The following EXOC2 variants were observed in gnomAD, a reference collection of about 807,000 sequenced individuals.
EXOC2 encodes exocyst complex component 2, also known as SEC5-like 1.
EXOC2 carries 70 observed loss-of-function variants against 131.8 expected under a neutral mutation model. That is an observed-to-expected ratio of 0.53 (90% CI 0.44 to 0.65). The LOEUF (loss-of-function observed/expected upper bound fraction) is 0.65, where lower values mean the gene tolerates loss of function less well. Ranked by LOEUF, EXOC2 falls within the 30% of genes least tolerant of loss-of-function variation. The pLI is 0.00. For missense variants in EXOC2, 923 were observed against 1,108.6 expected (o/e 0.83, Z 2.38); for synonymous variants, 411 against 398.4 (o/e 1.03, Z -0.38).
At chr6:510,865 G>A (rs1160938001) in intron 23 of EXOC2, among the ~76,000 whole-genome samples, 1 of 152,166 alleles carries the variant, frequency 6.6e-6, no homozygotes, top group Non-Finnish European at 1.5e-5. Context: ...AGTTAGAAAA[G>A]TGAAAGTGAC....
chr6:682,285 T>C (rs944231110), intron 1 of EXOC2, among the ~76,000 whole-genome samples: 7 of 151,042 alleles, frequency 4.6e-5, no homozygotes, highest in South Asian at 2.1e-4. Flanking sequence ...CTGCAAGCTC[T>C]GCCTTCCGGG....
intron 1 of EXOC2, among the ~76,000 whole-genome samples, chr6:647,399 A>G (rs1321279454): frequency 6.6e-6 from 1 of 151,232 alleles, no homozygotes; most frequent in African/African-American, 2.4e-5. Context: ...GGTATTTCAC[A>G]GAATCAGAGC....
At chr6:513,927 GA>G (rs1224377544) in intron 23 of EXOC2, among the ~76,000 whole-genome samples, 2 of 152,162 alleles carry the variant, frequency 1.3e-5, no homozygotes, top group Admixed American at 6.5e-5. Context: ...GCCACAAACT[GA>G]GCTTTTTATG....
intron 10 of EXOC2, among the ~76,000 whole-genome samples, 195 bp downstream of exon 10, chr6:597,826 C>G (rs1759901400): frequency 6.6e-6 from 1 of 152,220 alleles, no homozygotes. Flanking sequence ...AACTCCATAA[C>G]TACTCCCAAA....
intron 1 of EXOC2, among the ~76,000 whole-genome samples, chr6:681,815 G>A (rs746488377): frequency 2.6e-5 from 4 of 152,204 alleles, no homozygotes; most frequent in Non-Finnish European, 5.9e-5. Context: ...AAGGTACTGT[G>A]GTTCTACAGA....
At chr6:651,238 T>G (rs897546879) in intron 1 of EXOC2, among the ~76,000 whole-genome samples, 10 of 152,218 alleles carry the variant, frequency 6.6e-5, no homozygotes, top group African/African-American at 2.4e-4. Context: ...TTTCACTATG[T>G]TAGCCAGGAT....
chr6:656,814 G>T, intron 1 of EXOC2: 1 of 1,608,932 alleles, frequency 6.2e-7, no homozygotes. Flanking sequence ...GCCGGAACCC[G>T]CGGGGCCGAA....
intron 10 of EXOC2, among the ~76,000 whole-genome samples, chr6:595,249 A>T (rs929085650): frequency 2.0e-5 from 3 of 152,058 alleles, no homozygotes; most frequent in Non-Finnish European, 4.4e-5. Context: ...TACTATGCAT[A>T]ATCTGGATTA....
chr6:637,142 C>T (rs1019738039), intron 2 of EXOC2, among the ~76,000 whole-genome samples: 7 of 94,094 alleles, frequency 7.4e-5, no homozygotes, highest in African/African-American at 2.4e-4. Context: ...GCTTAAACTC[C>T]GCTAGAAAAG....
At chr6:496,516 A>AC (rs1257089617) in intron 25 of EXOC2, among the ~76,000 whole-genome samples, 5 of 152,010 alleles carry the variant, frequency 3.3e-5, no homozygotes, top group African/African-American at 1.2e-4. Context: ...TACCTCTCTC[A>AC]CCTAGCCGTA....
At chr6:575,456 A>ACTCCCTCTCCCTCG (rs1561876643) in intron 12 of EXOC2, among the ~76,000 whole-genome samples, 1 of 97,688 alleles carries the variant, frequency 1.0e-5, no homozygotes, top group African/African-American at 3.4e-5. Context: ...CCTCTCCCTC[A>ACTCCCTCTCCCTCG]CTCCCTCTCC....
intron 17 of EXOC2, 83 bp downstream of exon 17, chr6:562,701 A>G: frequency 2.2e-6 from 2 of 891,872 alleles, no homozygotes; most frequent in Middle Eastern, 2.8e-4. Flanking sequence ...CAACACATGG[A>G]GCACATGCTC....
chr6:623,468 A>T (rs1229309730), intron 4 of EXOC2, among the ~76,000 whole-genome samples: 1 of 152,240 alleles, frequency 6.6e-6, no homozygotes, highest in Non-Finnish European at 1.5e-5. Flanking sequence ...CTTATAGCAG[A>T]AATCAGCCTT....
chr6:683,663 T>C (rs190008954), intron 1 of EXOC2, among the ~76,000 whole-genome samples: 3 of 152,354 alleles, frequency 2.0e-5, no homozygotes, highest in Admixed American at 2.0e-4. Flanking sequence ...ATGAGCAAAG[T>C]TGGATTAATT....
rs1367536373 is a variant in EXOC2, at chr6:615,176, GGTGTGGGTGTGT to G, written c.661+2523_661+2534del. ...AGTAGAGGTTTGAAAAGTATATGTG[GGTGTGGGTGTGT>G]GTGTGTGTGTGTGTGTGTGTGTATG... On this transcript the variant is annotated intron_variant, in intron 6 of 27. Transcript: ENST00000230449. 7.7e-5 allele frequency among the ~76,000 whole-genome samples: 8 copies of G among 103,854 alleles called. No individual in the cohort carries two copies. The East Asian group carries it at 2.2e-3, about 29-fold the overall frequency. The allele number at this position is 103,854 out of a possible 152,430, so 68.1% of individuals were successfully genotyped here.
chr6:489,874 CAG>C (rs1366012162), intron 26 of EXOC2, among the ~76,000 whole-genome samples: 1 of 152,182 alleles, frequency 6.6e-6, no homozygotes, highest in Non-Finnish European at 1.5e-5. Flanking sequence ...GTCACAGCAA[CAG>C]AGAGAAAGAC....
intron 6 of EXOC2, among the ~76,000 whole-genome samples, chr6:613,945 C>G (rs1386671959): frequency 1.3e-5 from 2 of 151,730 alleles, no homozygotes; most frequent in Admixed American, 1.3e-4. Context: ...TGTAGCAACA[C>G]AAGACACATG....
At chr6:570,339 C>T (rs846165) in intron 13 of EXOC2, among the ~76,000 whole-genome samples, 145,027 of 152,172 alleles carry the variant, frequency 0.95, 69,208 homozygotes, top group East Asian at 1. Flanking sequence ...TTCACCGTGT[C>T]AGCCAGGATG....
At chr6:557,395 G>T (rs865907326) in intron 17 of EXOC2, among the ~76,000 whole-genome samples, 9 of 152,194 alleles carry the variant, frequency 5.9e-5, no homozygotes, top group Middle Eastern at 3.4e-3. Context: ...TGCGGTGGGC[G>T]GATCACGAGG....
Sources: allele counts gnomAD v4.1 joint callset (sites outside exome capture counted in the v4.1 genomes callset), GRCh38; gene constraint gnomAD v4.1.1; transcripts MANE v1.5; gene names NCBI Gene and HGNC (gene_info 2026-07-23, HGNC 2026-07-21).